The following IGFBP2 variants were observed in gnomAD, a reference collection of about 807,000 sequenced individuals.
IGFBP2 encodes the protein insulin like growth factor binding protein 2, also known as insulin-like growth factor-binding protein 2.
Under a neutral mutation model 26.2 loss-of-function variants are expected in IGFBP2, and 12 were observed. That is an observed-to-expected ratio of 0.46 (90% CI 0.29 to 0.74). The LOEUF is 0.74. Among genes scored for constraint, IGFBP2 ranks in the 30% least tolerant of loss-of-function variants. The probability of loss-of-function intolerance (pLI) is 0.09; values close to 1 mark genes in which losing one functional copy is unlikely to be tolerated. For synonymous variants in IGFBP2, 189 were observed against 200.6 expected (o/e 0.94, Z 0.49); for missense variants, 328 against 441.2 (o/e 0.74, Z 2.30).
intron 1 of IGFBP2, among the ~76,000 whole-genome samples, chr2:216,648,908 T>G (rs760874821): frequency 3.5e-4 from 54 of 152,164 alleles, no homozygotes; most frequent in Non-Finnish European, 7.6e-4. Flanking sequence ...CGCCCAGCCC[T>G]GAGAGGTGAC....
Position 216,664,090 on chromosome 2 carries a change from C to T in IGFBP2, c.964C>T (p.Gln322Ter), listed in dbSNP as rs772412569. The T allele has an allele frequency of 6.2e-7, 1 of 1,607,626 alleles. No homozygotes were observed. The highest frequency in any genetic ancestry group is 1.3e-5 in the African/African-American group (1 of 74,976). The change falls in exon 4 of 4, where the codon CAG becomes TAG. Residue 322 changes from glutamine to a stop codon, truncating the protein, a stop_gained. Transcript: ENST00000233809. LOFTEE classifies it high-confidence loss of function. The surrounding 1 kb of genome is among the most constrained non-coding windows in gnomAD (Gnocchi z 4.6). The part of the protein sequence containing the change: ...EQQEARGVHT[Q>*]RMQ ...GCAGGAGGCTCGCGGGGTGCACACC[C>T]AGCGGATGCAGTAGACCGCAGCCAG...
At chr2:216,659,934 A>G (rs545038311) in intron 1 of IGFBP2, among the ~76,000 whole-genome samples, 25 of 151,996 alleles carry the variant, frequency 1.6e-4, no homozygotes, top group African/African-American at 6.0e-4. Flanking sequence ...ACACAGTGAC[A>G]GCAGGGGGAT....
intron 1 of IGFBP2, among the ~76,000 whole-genome samples, chr2:216,640,408 T>G (rs1257959893): frequency 6.6e-6 from 1 of 152,166 alleles, no homozygotes; most frequent in Non-Finnish European, 1.5e-5. Flanking sequence ...TTTGAATTCA[T>G]GAGGGAAGCT....
chr2:216,645,157 C>G (rs141331886), intron 1 of IGFBP2, among the ~76,000 whole-genome samples: 1 of 152,332 alleles, frequency 6.6e-6, no homozygotes, highest in African/African-American at 2.4e-5. Context: ...GCCCTGTGCC[C>G]TGCCCCGTGA....
intron 1 of IGFBP2, among the ~76,000 whole-genome samples, chr2:216,634,827 G>T (rs1478085788): frequency 7.5e-6 from 1 of 132,802 alleles, no homozygotes; most frequent in Non-Finnish European, 1.5e-5. Context: ...GATATTCTTT[G>T]TTCAGGGGCC....
Position 216,647,481 on chromosome 2 carries a change from CT to C in IGFBP2, c.443-13072del, listed in dbSNP as rs1428055008. Among the ~76,000 whole-genome samples the C allele has an allele frequency of 3.3e-5, 5 of 152,140 alleles. No individual in the cohort carries two copies. In the East Asian group the frequency reaches 9.7e-4, roughly 29 times the overall value. On this transcript the variant is annotated intron_variant, in intron 1 of 3. Coordinates refer to ENST00000233809, the MANE Select transcript of IGFBP2 (RefSeq NM_000597.3). ...TACCAGAAGACTTTACCCAGCAGTGCTTTTCTTTTTTAAAATTTTGTAAAAT... is the reference window on the plus strand; with the variant it reads ...TACCAGAAGACTTTACCCAGCAGTGCTTTCTTTTTTAAAATTTTGTAAAAT...
At chr2:216,660,479 C>T (rs947247454) in intron 1 of IGFBP2, 78 bp from the exon 2 acceptor site, 19 of 1,038,982 alleles carry the variant, frequency 1.8e-5, no homozygotes, top group African/African-American at 4.8e-5. Context: ...ATCATCATTA[C>T]GGTCCAGGTG....
At position 216,659,626 on chromosome 2, in the gene IGFBP2, C is replaced by T; in HGVS notation, c.443-931C>T. 3 of 991,258 alleles carry T rather than the reference C, an allele frequency of 3.0e-6. No homozygotes were observed. In the South Asian group the frequency reaches 4.1e-5, roughly 14 times the overall value. The allele number at this position is 991,258 out of a possible 1,614,324, so 61.4% of individuals were successfully genotyped here. A position where few individuals can be genotyped will look rare whatever the true frequency, so the allele number is the denominator to read the frequency against. On this transcript the variant is annotated intron_variant, in intron 1 of 3. Transcript: ENST00000233809. ...TGCCTCAGCCAGAGTGAGACTGTGG[C>T]AGGCTGGAGCTGTTTTCAAGGCCTC...
intron 1 of IGFBP2, among the ~76,000 whole-genome samples, chr2:216,655,319 A>G (rs1697898434): frequency 2.0e-5 from 3 of 152,134 alleles, no homozygotes; most frequent in Admixed American, 6.5e-5. Flanking sequence ...TGATGGAGAG[A>G]TCAGGTGGAG....
Position 216,633,892 on chromosome 2 carries a change from G to A in IGFBP2, c.369G>A (p.Ala123=), listed in dbSNP as rs746506331. ...PHPGSELPLQ[A]LVMGEGTCEK... ...CGGGCTCCGAGCTGCCCCTGCAGGC[G>A]CTGGTCATGGGCGAGGGCACTTGTG... is the stretch of plus-strand genomic sequence containing the variant. Residue 123 remains alanine (A), a synonymous_variant, in exon 1 of 4, where the codon GCG becomes GCA. Transcript: ENST00000233809. The A allele has an allele frequency of 3.8e-6, 6 of 1,591,868 alleles. No individual in the cohort carries two copies. The South Asian group carries it at 5.7e-5, about 15-fold the overall frequency.
chr2:216,658,530 A>T (rs144817246), intron 1 of IGFBP2, among the ~76,000 whole-genome samples: 1 of 1,004 alleles, frequency 1.0e-3, no homozygotes, highest in Non-Finnish European at 3.3e-3. Context: ...GTCGTCTTTT[A>T]TTTATTTATT....
Position 216,660,968 on chromosome 2 carries a change from G to T in IGFBP2, c.672+182G>T, listed in dbSNP as rs1342557860. The T allele has an allele frequency of 6.6e-6, 4 of 601,928 alleles. No individual in the cohort carries two copies. The African/African-American group carries it at 7.4e-5, about 11-fold the overall frequency. The allele number at this position is 601,928 out of a possible 1,614,324, so 37.3% of individuals were successfully genotyped here. ...TTTGGGGCAGTCAGTATCTCTGGCT[G>T]TGAAATAGACTGGACATGTGGTTTC... On this transcript the variant is annotated intron_variant, in intron 2 of 3. Transcript: ENST00000233809.
intron 1 of IGFBP2, among the ~76,000 whole-genome samples, chr2:216,639,007 ATTTTTTTTTTT>A (rs1208707145): frequency 2.6e-5 from 3 of 115,050 alleles, no homozygotes; most frequent in Admixed American, 9.2e-5. Flanking sequence ...GACCAGGCTA[ATTTTTTTTTTT>A]TTTTTTTTTT....
At chr2:216,659,275 T>G (rs923983982) in intron 1 of IGFBP2, among the ~76,000 whole-genome samples, 2 of 152,196 alleles carry the variant, frequency 1.3e-5, no homozygotes, top group African/African-American at 4.8e-5. Flanking sequence ...AGTTGGTGAG[T>G]GAGTGAATAC....
At chr2:216,646,094 C>G (rs998028591) in intron 1 of IGFBP2, among the ~76,000 whole-genome samples, 1 of 152,208 alleles carries the variant, frequency 6.6e-6, no homozygotes, top group African/African-American at 2.4e-5. Flanking sequence ...CAAGACACTT[C>G]TTGTGCTGGT....
At chr2:216,637,326 G>A (rs1697520136) in intron 1 of IGFBP2, among the ~76,000 whole-genome samples, 1 of 152,192 alleles carries the variant, frequency 6.6e-6, no homozygotes, top group Non-Finnish European at 1.5e-5. Flanking sequence ...CAAGCAGGGT[G>A]TGGCAGTGTG....
chr2:216,650,283 A>G (rs1180986355), intron 1 of IGFBP2, among the ~76,000 whole-genome samples: 1 of 152,174 alleles, frequency 6.6e-6, no homozygotes, highest in African/African-American at 2.4e-5. Flanking sequence ...AATTCCCTGA[A>G]TTTACAGATG....
intron 1 of IGFBP2, 152 bp from the exon 2 acceptor site, chr2:216,660,405 A>G (rs746531675): frequency 2.8e-4 from 167 of 601,884 alleles, no homozygotes; most frequent in Non-Finnish European, 3.9e-4. Flanking sequence ...CATCCATATA[A>G]ATTGCTCAGC....
At chr2:216,661,429 C>T (rs749558118) in intron 2 of IGFBP2, 5 of 332,478 alleles carry the variant, frequency 1.5e-5, no homozygotes, top group Non-Finnish European at 2.9e-5. Context: ...TTGCCATATG[C>T]TTCTCTCACT....
Sources: allele counts gnomAD v4.1 joint callset (sites outside exome capture counted in the v4.1 genomes callset), GRCh38; gene constraint gnomAD v4.1.1; non-coding constraint Gnocchi (gnomAD v3.1); transcripts MANE v1.5; gene names NCBI Gene and HGNC (gene_info 2026-07-23, HGNC 2026-07-21).